The following FSIP2 variants were observed in gnomAD, a reference collection of about 807,000 sequenced individuals.
The protein encoded by FSIP2 is fibrous sheath interacting protein 2, also known as fibrous sheath-interacting protein 2.
Under a neutral mutation model 510.5 loss-of-function variants are expected in FSIP2, and 367 were observed. The ratio of observed to expected loss-of-function variants is 0.72; its 90% CI spans 0.66 to 0.78. The LOEUF (loss-of-function observed/expected upper bound fraction) is 0.78, where lower values mean the gene tolerates loss of function less well. Ranked by LOEUF, FSIP2 falls within the 30% of genes least tolerant of loss-of-function variation. The probability of loss-of-function intolerance (pLI) is 0.00; values close to 1 mark genes in which losing one functional copy is unlikely to be tolerated. For missense variants in FSIP2, 7,594 were observed against 7,901.7 expected (o/e 0.96, Z 1.48); for synonymous variants, 2,601 against 2,732.2 (o/e 0.95, Z 1.50).
At position 185,794,379 on chromosome 2, in the gene FSIP2, G is replaced by T; in HGVS notation, c.7243G>T (p.Glu2415Ter). Residue 2415 changes from glutamate (E) to a stop codon, truncating the protein, a stop_gained, in exon 16 of 23, where the codon GAA becomes TAA. Coordinates refer to ENST00000424728, the MANE Select transcript of FSIP2 (RefSeq NM_173651.4). LOFTEE classifies it high-confidence loss of function. ...AAAGGAAATTTGTTTTAATTCAAAA[G>T]AAAATTCTAACTTTTCACAATTAGC... Reference protein sequence around the residue: ...SVKEICFNSKENSNFSQLALS... With the variant: ...SVKEICFNSK 1 of 1,518,150 alleles carries T rather than the reference G, an allele frequency of 6.6e-7. No individual in the cohort carries two copies. The highest frequency in any genetic ancestry group is 1.2e-5 in the South Asian group (1 of 80,244). 94.0% of individuals were successfully genotyped at this position (1,518,150 alleles called of 1,614,324 possible).
At chr2:185,830,714 G>T (rs1287536000) in intron 21 of FSIP2, among the ~76,000 whole-genome samples, 1 of 151,496 alleles carries the variant, frequency 6.6e-6, no homozygotes, top group South Asian at 2.1e-4. Context: ...ATATATTTTT[G>T]ATCTCTGGTT....
Position 185,801,629 on chromosome 2 carries a change from T to A in FSIP2, c.12323T>A (p.Leu4108His). The stretch of plus-strand genomic sequence containing the variant: ...CTCATACCCCATTCATATTACCCTC[T>A]CAAACCTGAAATTATATTGCAAAAG... ...EHLIPHSYYP[L>H]KPEIILQKLQ... The change falls in exon 17 of 23, where the codon CTC (leucine) becomes CAC (histidine). Residue 4108 changes from leucine to histidine, a missense_variant. Coordinates refer to ENST00000424728, the MANE Select transcript of FSIP2 (RefSeq NM_173651.4). 1 of 1,530,510 alleles carries A rather than the reference T, an allele frequency of 6.5e-7. No individual in the cohort carries two copies. The highest frequency in any genetic ancestry group is 8.7e-7 in the Non-Finnish European group (1 of 1,144,390). The allele number at this position is 1,530,510 out of a possible 1,614,324, so 94.8% of individuals were successfully genotyped here. A position where few individuals can be genotyped will look rare whatever the true frequency, so the allele number is the denominator to read the frequency against.
chr2:185,768,120 T>G (rs1010331972), intron 13 of FSIP2, among the ~76,000 whole-genome samples: 2 of 151,578 alleles, frequency 1.3e-5, no homozygotes, highest in Admixed American at 1.3e-4. Context: ...TTTTTAATAA[T>G]TTTTTTTTAC....
chr2:185,775,928 G>T (rs1451726878), intron 13 of FSIP2, among the ~76,000 whole-genome samples: 1 of 152,166 alleles, frequency 6.6e-6, no homozygotes, highest in Non-Finnish European at 1.5e-5. Context: ...CTTCTAAAGT[G>T]TTGGGATTAC....
intron 7 of FSIP2, among the ~76,000 whole-genome samples, chr2:185,753,319 G>A (rs1011280348): frequency 3.3e-5 from 5 of 151,290 alleles, no homozygotes; most frequent in Admixed American, 6.6e-5. Context: ...TACTAGCCCA[G>A]AAATTCACAA....
At chr2:185,822,053 A>C (rs1295914706) in intron 19 of FSIP2, among the ~76,000 whole-genome samples, 1 of 152,010 alleles carries the variant, frequency 6.6e-6, no homozygotes, top group Non-Finnish European at 1.5e-5. Flanking sequence ...CAGAGCAGGA[A>C]GAGAAGGAAA....
chr2:185,804,515 T>G lies in FSIP2; in HGVS notation c.15209T>G (p.Val5070Gly). 6.6e-7 allele frequency: 1 copy of G among 1,516,252 alleles called. No homozygotes were observed. The highest frequency in any genetic ancestry group is 8.8e-7 in the Non-Finnish European group (1 of 1,137,598). 93.9% of individuals were successfully genotyped at this position (1,516,252 alleles called of 1,614,324 possible). ...LLLEEIYDYQVQSLVSGELES... is the reference protein window; with the variant it reads ...LLLEEIYDYQGQSLVSGELES... ...TTGGAAGAAATATATGATTATCAAGTGCAGTCATTAGTTTCAGGAGAATTA... is the reference window on the plus strand; with the variant it reads ...TTGGAAGAAATATATGATTATCAAGGGCAGTCATTAGTTTCAGGAGAATTA... Residue 5070 changes from valine (V) to glycine (G), a missense_variant, in exon 17 of 23, where the codon GTG becomes GGG. Val to Gly is a moderately radical substitution (Grantham distance 109, BLOSUM62 -3). Coordinates refer to ENST00000424728, the MANE Select transcript of FSIP2 (RefSeq NM_173651.4).
intron 22 of FSIP2, among the ~76,000 whole-genome samples, chr2:185,832,799 C>T (rs1455299941): frequency 6.6e-6 from 1 of 151,884 alleles, no homozygotes; most frequent in East Asian, 1.9e-4. Flanking sequence ...CTTCTACTTT[C>T]TCTTGAGCAT....
chr2:185,812,811 T>C (rs1245322602), intron 17 of FSIP2, among the ~76,000 whole-genome samples: 2 of 152,112 alleles, frequency 1.3e-5, no homozygotes, highest in Admixed American at 6.6e-5. Context: ...TGAGGCACCA[T>C]TATCTGAAAA....
Position 185,804,878 on chromosome 2 carries a change from T to C in FSIP2, c.15572T>C (p.Val5191Ala), listed in dbSNP as rs904209186. Residue 5191 changes from valine (V) to alanine (A), a missense_variant, in exon 17 of 23, where the codon GTC becomes GCC. Val to Ala is a moderately conservative substitution (Grantham distance 64). Coordinates refer to ENST00000424728, the MANE Select transcript of FSIP2 (RefSeq NM_173651.4). ...SMQLEPIENL[V>A]DSICNNILKT... ...CAGTTAGAACCTATTGAAAATTTGG[T>C]CGACTCCATATGTAATAATATTTTG... 1.4e-5 allele frequency: 22 copies of C among 1,523,328 alleles called. No homozygotes were observed. The Middle Eastern group carries it at 5.1e-4, about 35-fold the overall frequency. The allele number at this position is 1,523,328 out of a possible 1,614,324, so 94.4% of individuals were successfully genotyped here. A position where few individuals can be genotyped will look rare whatever the true frequency, so the allele number is the denominator to read the frequency against.
In FSIP2 at chr2:185,792,165, C is replaced by CAAAT; in HGVS notation, c.5031_5034dup (p.Leu1679AsnfsTer3). The CAAAT allele has an allele frequency of 6.5e-7, 1 of 1,532,608 alleles. No individual in the cohort carries two copies. 94.9% of individuals were successfully genotyped at this position (1,532,608 alleles called of 1,614,324 possible). ...TGTAGAAAACCCACCACCTGAGACT[C>CAAAT]AAATACTTAAGTATGTAGTCAAGTT... is the stretch of plus-strand genomic sequence containing the variant. On this transcript the variant is annotated frameshift_variant, in exon 16 of 23. Transcript: ENST00000424728. LOFTEE classifies it high-confidence loss of function.
chr2:185,772,259 C>T (rs1483564901), intron 13 of FSIP2, among the ~76,000 whole-genome samples: 1 of 152,160 alleles, frequency 6.6e-6, no homozygotes, highest in Non-Finnish European at 1.5e-5. Context: ...TATCTCTCTC[C>T]ATTACCCATT....
chr2:185,805,084 G>A lies in FSIP2; in HGVS notation c.15778G>A (p.Ala5260Thr), dbSNP rs1693531904. 1.2e-6 allele frequency: 2 copies of A among 1,604,872 alleles called. No individual in the cohort carries two copies. Among genetic ancestry groups the A allele is most frequent in the Non-Finnish European group, 1.7e-6 (2 of 1,176,776 alleles). ...TGATTATGACCATGTCTCTGAACTT[G>A]CTAAATCTGGTAAAGAAAAGACACA... is the stretch of plus-strand genomic sequence containing the variant. ...LSDYDHVSELAKSGKEKTQPS... is the reference protein window; with the variant it reads ...LSDYDHVSELTKSGKEKTQPS... The change falls in exon 17 of 23, where the codon GCT becomes ACT. Residue 5260 changes from alanine to threonine, a missense_variant. Ala to Thr is a moderately conservative substitution (Grantham distance 58). Coordinates refer to ENST00000424728, the MANE Select transcript of FSIP2 (RefSeq NM_173651.4).
At position 185,804,323 on chromosome 2, in the gene FSIP2, A is replaced by G. The variant is rs753765418; in HGVS notation, c.15017A>G (p.Asn5006Ser). ...FTTSEILVAD[N>S]FDKNLCFSER... ...ACATCAGAGATTTTAGTTGCAGATA[A>G]CTTTGATAAAAATTTGTGTTTCTCA... Residue 5006 changes from asparagine (N) to serine (S), a missense_variant, in exon 17 of 23, where the codon AAC (asparagine) becomes AGC (serine). By Grantham distance (46) the Asn-to-Ser change is conservative. Transcript: ENST00000424728. 2.7e-6 allele frequency: 4 copies of G among 1,508,698 alleles called. No homozygotes were observed. In the South Asian group the frequency reaches 3.8e-5, roughly 14 times the overall value. 93.5% of individuals were successfully genotyped at this position (1,508,698 alleles called of 1,614,324 possible).
At chr2:185,767,411 G>T (rs909286791) in intron 13 of FSIP2, among the ~76,000 whole-genome samples, 3 of 152,040 alleles carry the variant, frequency 2.0e-5, no homozygotes, top group Non-Finnish European at 4.4e-5. Context: ...TCACACTGTT[G>T]TACATTAGAT....
chr2:185,740,468 A>G (rs535047379), intron 2 of FSIP2: 1 of 152,316 alleles, frequency 6.6e-6, no homozygotes. Flanking sequence ...TCAGTTTTGC[A>G]AAAAGTTCTA....
intron 9 of FSIP2, among the ~76,000 whole-genome samples, chr2:185,760,365 T>C (rs1223273906): frequency 6.7e-6 from 1 of 149,706 alleles, no homozygotes; most frequent in Admixed American, 6.7e-5. Context: ...ATATTTACCA[T>C]GTGACCAGTC....
At chr2:185,825,031 A>G (rs1693991534) in intron 20 of FSIP2, among the ~76,000 whole-genome samples, 1 of 151,838 alleles carries the variant, frequency 6.6e-6, no homozygotes, top group Non-Finnish European at 1.5e-5. Context: ...GGTTCTAACA[A>G]TGATAGCATA....
rs1346387214 is a variant in FSIP2, at chr2:185,828,151, T to C, written c.20474-5T>C. 1.9e-6 allele frequency: 3 copies of C among 1,544,720 alleles called. No individual in the cohort carries two copies. The Admixed American group carries it at 5.1e-5, about 26-fold the overall frequency. The stretch of plus-strand genomic sequence containing the variant: ...ATTTTACTTTTTTTTTTTTAATCTC[T>C]ACAGAAAGTTCTCAGGAACAAAAGC... On this transcript the variant is annotated splice_region_variant and splice_polypyrimidine_tract_variant and intron_variant, in intron 20 of 22. Coordinates refer to ENST00000424728, the MANE Select transcript of FSIP2 (RefSeq NM_173651.4).
Sources: gnomAD v4.1 joint callset for allele counts (sites outside exome capture counted in the v4.1 genomes callset) on GRCh38, gnomAD v4.1.1 for gene constraint, MANE v1.5 for transcripts, NCBI Gene and HGNC (gene_info 2026-07-23, HGNC 2026-07-21) for gene names.